MAGI1: variants seen among roughly 807,000 people sequenced by gnomAD.
The protein encoded by MAGI1 is membrane associated guanylate kinase, WW and PDZ domain containing 1, also known as membrane-associated guanylate kinase, WW and PDZ domain-containing protein 1.
MAGI1 carries 58 observed loss-of-function variants against 139.9 expected under a neutral mutation model. The observed-to-expected ratio is 0.41, with a 90% CI of 0.34 to 0.52. The LOEUF (loss-of-function observed/expected upper bound fraction) is 0.52. Among genes scored for constraint, MAGI1 ranks in the 20% least tolerant of loss-of-function variants. The pLI is 0.12. For missense variants in MAGI1, 1,874 were observed against 1,901.6 expected, an observed-to-expected ratio of 0.99 and a Z score of 0.27; for synonymous variants, 812 against 737.9, an observed-to-expected ratio of 1.10 and a Z score of -1.63.
At chr3:65,464,506 G>T (rs1013835056) in intron 5 of MAGI1, among the ~76,000 whole-genome samples, 1 of 151,974 alleles carries the variant, frequency 6.6e-6, no homozygotes, top group African/African-American at 2.4e-5. Flanking sequence ...TTGACCCATA[G>T]ATTATTTAAA....
intron 17 of MAGI1, 122 bp downstream of exon 17, chr3:65,379,139 C>T: frequency 1.9e-6 from 3 of 1,552,664 alleles, no homozygotes; most frequent in Non-Finnish European, 2.6e-6. Flanking sequence ...TCTTTAATTA[C>T]CCAGAGCAAG....
chr3:65,800,157 C>A (rs747033883), intron 1 of MAGI1, among the ~76,000 whole-genome samples: 1 of 152,156 alleles, frequency 6.6e-6, no homozygotes, highest in Non-Finnish European at 1.5e-5. Flanking sequence ...TAGTGGCGAA[C>A]AGGTGACTTA....
chr3:66,005,930 T>C (rs1423004991), intron 1 of MAGI1, among the ~76,000 whole-genome samples: 1 of 152,180 alleles, frequency 6.6e-6, no homozygotes, highest in Non-Finnish European at 1.5e-5. Flanking sequence ...CTAGGGTTGG[T>C]TCCTGGACTG....
chr3:65,381,726 TGA>T, intron 16 of MAGI1, 149 bp downstream of exon 16: 1 of 722,356 alleles, frequency 1.4e-6, no homozygotes, highest in Non-Finnish European at 2.2e-6. Flanking sequence ...TTGCAGGGTT[TGA>T]GAGAAGCAAG....
chr3:65,447,872 A>T, intron 7 of MAGI1, 150 bp downstream of exon 7: 1 of 914,290 alleles, frequency 1.1e-6, no homozygotes, highest in Non-Finnish European at 1.8e-6. Flanking sequence ...AGGTTGTAAG[A>T]CTGACCTTTC....
At chr3:65,955,063 TC>T (rs1399523865) in intron 1 of MAGI1, among the ~76,000 whole-genome samples, 1 of 152,068 alleles carries the variant, frequency 6.6e-6, no homozygotes. Flanking sequence ...TTAACCTCTC[TC>T]ATCTGGTCTT....
At chr3:65,463,440 C>G (rs1003286920) in intron 5 of MAGI1, among the ~76,000 whole-genome samples, 4 of 152,102 alleles carry the variant, frequency 2.6e-5, no homozygotes, top group African/African-American at 9.7e-5. Context: ...CCTTGCAGCC[C>G]AGGGATGAAG....
chr3:65,702,548 C>G (rs2089687353), intron 1 of MAGI1, among the ~76,000 whole-genome samples: 1 of 152,144 alleles, frequency 6.6e-6, no homozygotes, highest in Non-Finnish European at 1.5e-5. Context: ...GAATTAATTA[C>G]CAAGCCCTCT....
chr3:65,356,989 G>A lies in MAGI1; in HGVS notation c.3778C>T (p.Arg1260Trp), dbSNP rs1251438863. The change falls in exon 23 of 23, where the codon CGG becomes TGG. Residue 1260 changes from arginine to tryptophan, a missense_variant. Transcript: ENST00000402939. The part of the protein sequence containing the change: ...LHKSSPHGEK[R>W]AHARDPKGSR... ...CCTTTCGGATCCCTTGCGTGTGCCC[G>A]CTTTTCCCCATGTGGTGATGATTTG... The A allele has an allele frequency of 6.2e-7, 1 of 1,614,186 alleles. No individual in the cohort carries two copies. Among genetic ancestry groups the A allele is most frequent in the East Asian group, 2.2e-5 (1 of 44,856 alleles).
At chr3:65,557,674 C>G (rs562910821) in intron 2 of MAGI1, among the ~76,000 whole-genome samples, 5 of 152,082 alleles carry the variant, frequency 3.3e-5, no homozygotes, top group African/African-American at 1.2e-4. Flanking sequence ...ATTTGTTTAA[C>G]GAAATCGATC....
At chr3:65,751,939 T>G (rs563526197) in intron 1 of MAGI1, among the ~76,000 whole-genome samples, 1 of 152,270 alleles carries the variant, frequency 6.6e-6, no homozygotes, top group South Asian at 2.1e-4. Context: ...ATCGTCTGAT[T>G]TTTTCGTTTG....
intron 5 of MAGI1, among the ~76,000 whole-genome samples, chr3:65,467,346 G>A (rs1045053061): frequency 2.0e-5 from 3 of 152,074 alleles, no homozygotes; most frequent in Admixed American, 6.6e-5. Context: ...GTTCTAATGC[G>A]GTTTAATTTG....
At chr3:65,660,057 A>T (rs1354682226) in intron 1 of MAGI1, among the ~76,000 whole-genome samples, 2 of 152,230 alleles carry the variant, frequency 1.3e-5, no homozygotes, top group Non-Finnish European at 2.9e-5. Flanking sequence ...CGTTATGCCA[A>T]TTGTTACATG....
In MAGI1 at chr3:65,354,272, A is replaced by C. The variant is rs1387061879; in HGVS notation, c.*2106T>G. 6.6e-6 allele frequency: 1 copy of C among 152,658 alleles called. No individual in the cohort carries two copies. The highest frequency in any genetic ancestry group is 1.5e-5 in the Non-Finnish European group (1 of 68,044). 9.5% of individuals were successfully genotyped at this position (152,658 alleles called of 1,614,324 possible). A position where few individuals can be genotyped will look rare whatever the true frequency, so the allele number is the denominator to read the frequency against. On this transcript the variant is annotated 3_prime_UTR_variant, in exon 23 of 23. Transcript: ENST00000402939. ...CTTTGTATGGAAAACTTTAATAATA[A>C]AAATAGCATTCACAGACTTTTCCCT... is the stretch of plus-strand genomic sequence containing the variant.
At chr3:66,016,819 A>G (rs1484297466) in intron 1 of MAGI1, among the ~76,000 whole-genome samples, 2 of 152,250 alleles carry the variant, frequency 1.3e-5, no homozygotes, top group African/African-American at 4.8e-5. Context: ...AGACTTTAGA[A>G]GGAAGGAAAT....
At chr3:65,531,293 A>G (rs1018161118) in intron 2 of MAGI1, among the ~76,000 whole-genome samples, 16 of 152,256 alleles carry the variant, frequency 1.1e-4, no homozygotes, top group African/African-American at 3.8e-4. Context: ...AGACTTGCCT[A>G]TCATCCAACT....
intron 12 of MAGI1, among the ~76,000 whole-genome samples, chr3:65,405,421 C>A (rs1285789507): frequency 6.6e-6 from 1 of 152,116 alleles, no homozygotes; most frequent in Non-Finnish European, 1.5e-5. Flanking sequence ...AGAATACATA[C>A]CATTTTGCAA....
intron 2 of MAGI1, among the ~76,000 whole-genome samples, chr3:65,544,197 C>CTTTAAATAAATAAAATAAAATAAAA (rs2079393208): frequency 1.3e-5 from 2 of 152,144 alleles, no homozygotes; most frequent in Admixed American, 1.3e-4. Context: ...TAAATGATGA[C>CTTTAAATAAATAAAATAAAATAAAA]TACTTTATTT....
intron 5 of MAGI1, among the ~76,000 whole-genome samples, chr3:65,464,202 C>G (rs560791342): frequency 2.0e-5 from 3 of 152,074 alleles, no homozygotes; most frequent in Admixed American, 2.0e-4. Flanking sequence ...TCAGCTATTT[C>G]TTTCATTGAT....
Sources: allele counts gnomAD v4.1 joint callset (sites outside exome capture counted in the v4.1 genomes callset), GRCh38; gene constraint gnomAD v4.1.1; transcripts MANE v1.5; gene names NCBI Gene and HGNC (gene_info 2026-07-23, HGNC 2026-07-21).